Variants in ENPEP observed in about 807,000 individuals in gnomAD.
The protein encoded by ENPEP is glutamyl aminopeptidase.
A neutral mutation model predicts 114.5 loss-of-function variants in ENPEP; 103 were observed. That is an observed-to-expected ratio of 0.90 (90% CI 0.77 to 1.06). The LOEUF (loss-of-function observed/expected upper bound fraction) is 1.06. ENPEP is among the 50% of genes least tolerant of loss of function. The pLI is 0.00. For missense variants in ENPEP, 1,196 were observed against 1,161.3 expected (o/e 1.03, Z -0.43); for synonymous variants, 420 against 422.0 (o/e 1.00, Z 0.06).
intron 11 of ENPEP, among the ~76,000 whole-genome samples, chr4:110,537,934 G>T (rs1403625569): frequency 6.6e-6 from 1 of 152,158 alleles, no homozygotes; most frequent in Non-Finnish European, 1.5e-5. Context: ...CTTTTTTGGT[G>T]AGCAGCAGGT....
intron 3 of ENPEP, among the ~76,000 whole-genome samples, chr4:110,492,861 CA>C (rs1187544431): frequency 1.3e-5 from 2 of 152,202 alleles, no homozygotes; most frequent in African/African-American, 4.8e-5. Flanking sequence ...TCATCATTGA[CA>C]ATTCAATTGC....
rs1368120086 is a variant in ENPEP, at chr4:110,510,269, G to A, written c.1219G>A (p.Asp407Asn). 7.4e-6 allele frequency: 12 copies of A among 1,614,094 alleles called. No homozygotes were observed. Among genetic ancestry groups the A allele is most frequent in the Non-Finnish European group, 1.0e-5 (12 of 1,179,982 alleles). ...HQWFGNIVTM[D>N]WWEDLWLNEG... is the part of the protein sequence containing the mutation. ...GTGGTTTGGAAATATTGTGACCATG[G>A]ACTGGTGGGAAGACTTGTGGCTAAA... is the stretch of plus-strand genomic sequence containing the variant. Residue 407 changes from aspartate (D) to asparagine (N), a missense_variant, in exon 6 of 20, where the codon GAC (aspartate) becomes AAC (asparagine). Transcript: ENST00000265162.
chr4:110,479,330 C>T (rs1309220300), intron 1 of ENPEP, among the ~76,000 whole-genome samples: 2 of 152,020 alleles, frequency 1.3e-5, no homozygotes, highest in African/African-American at 2.4e-5. Flanking sequence ...TTAAGTTGCT[C>T]CTATTTTTTC....
chr4:110,516,757 C>T (rs1055796296), intron 8 of ENPEP, among the ~76,000 whole-genome samples: 2 of 152,092 alleles, frequency 1.3e-5, no homozygotes, highest in Admixed American at 6.5e-5. Context: ...GTCAAGATTT[C>T]GGAAATATTT....
Position 110,563,264 on chromosome 4 carries a change from A to G in ENPEP, c.*1706A>G, listed in dbSNP as rs1727733385. ...AGATGGTTTATCCTTCTGTTTTATG[A>G]AATTAATACATTTTAAAAGAAAAAT... is the stretch of plus-strand genomic sequence containing the variant. On this transcript the variant is annotated 3_prime_UTR_variant, in exon 20 of 20. Coordinates refer to ENST00000265162, the MANE Select transcript of ENPEP (RefSeq NM_001977.4). 6.6e-6 allele frequency: 1 copy of G among 152,146 alleles called. No individual in the cohort carries two copies. Among genetic ancestry groups the G allele is most frequent in the Admixed American group, 6.5e-5 (1 of 15,286 alleles). 9.4% of individuals were successfully genotyped at this position (152,146 alleles called of 1,614,324 possible).
chr4:110,549,879 T>C lies in ENPEP; in HGVS notation c.2494T>C (p.Leu832=). The C allele has an allele frequency of 1.9e-6, 3 of 1,607,896 alleles. No individual in the cohort carries two copies. Among genetic ancestry groups the C allele is most frequent in the African/African-American group, 1.3e-5 (1 of 74,418 alleles). Residue 832 remains leucine (L), a synonymous_variant, in exon 17 of 20, where the codon TTG becomes CTG. Transcript: ENST00000265162. The part of the protein sequence containing the change: ...GLASVKNVTL[L]SRYLDLLKDT... ...AGCATCAGTGAAGAACGTTACTCTT[T>C]TGTCAAGGTAAGTTGGGCTTTTATT... is the stretch of plus-strand genomic sequence containing the variant.
intron 13 of ENPEP, among the ~76,000 whole-genome samples, 171 bp downstream of exon 13, chr4:110,543,241 C>T (rs1385237596): frequency 6.6e-6 from 1 of 152,014 alleles, no homozygotes; most frequent in Non-Finnish European, 1.5e-5. Context: ...TTCACATGAG[C>T]CTAATAGTCA....
At chr4:110,530,144 A>C (rs1726355890) in intron 10 of ENPEP, among the ~76,000 whole-genome samples, 1 of 152,154 alleles carries the variant, frequency 6.6e-6, no homozygotes, top group South Asian at 2.1e-4. Context: ...GTCCACTATA[A>C]GGCCCAAGAA....
intron 11 of ENPEP, among the ~76,000 whole-genome samples, chr4:110,539,052 A>G (rs1726751290): frequency 6.6e-6 from 1 of 152,180 alleles, no homozygotes; most frequent in African/African-American, 2.4e-5. Flanking sequence ...AGATCACCCT[A>G]ACAGATATAA....
intron 6 of ENPEP, among the ~76,000 whole-genome samples, chr4:110,511,761 C>CTT (rs35037890): frequency 1.4e-5 from 2 of 145,632 alleles, no homozygotes; most frequent in Non-Finnish European, 3.0e-5. Context: ...TCATTCATTC[C>CTT]TTTTTTTTTT....
At chr4:110,542,019 G>A (rs530772955) in intron 11 of ENPEP, among the ~76,000 whole-genome samples, 3 of 152,226 alleles carry the variant, frequency 2.0e-5, no homozygotes, top group Non-Finnish European at 2.9e-5. Flanking sequence ...ATATATGGAT[G>A]TTGTTTTAGA....
At chr4:110,548,001 C>T (rs997322677) in intron 13 of ENPEP, among the ~76,000 whole-genome samples, 175 bp from the exon 14 acceptor site, 6 of 151,928 alleles carry the variant, frequency 3.9e-5, no homozygotes, top group Non-Finnish European at 8.8e-5. Flanking sequence ...TCGGACAAAA[C>T]TTTTTGATTG....
intron 10 of ENPEP, among the ~76,000 whole-genome samples, chr4:110,523,824 G>A (rs1277459446): frequency 6.6e-6 from 1 of 152,142 alleles, no homozygotes; most frequent in Non-Finnish European, 1.5e-5. Flanking sequence ...TCCCAACTTA[G>A]TAACATTTTC....
Position 110,491,273 on chromosome 4 carries a change from C to T in ENPEP, c.918+109C>T, listed in dbSNP as rs796636241. 3 of 1,044,042 alleles carry T rather than the reference C, an allele frequency of 2.9e-6. No individual in the cohort carries two copies. The South Asian group carries it at 5.4e-5, about 19-fold the overall frequency. 64.7% of individuals were successfully genotyped at this position (1,044,042 alleles called of 1,614,324 possible). A position where few individuals can be genotyped will look rare whatever the true frequency, so the allele number is the denominator to read the frequency against. On this transcript the variant is annotated intron_variant, in intron 3 of 19. Transcript: ENST00000265162. ...TTTTTCAAACAACATGCCTGAAAAG[C>T]CCTTTAGTCCCCAGGGTCTGTGGAC...
chr4:110,476,710 C>G lies in ENPEP; in HGVS notation c.296C>G (p.Pro99Arg), dbSNP rs751367175. The change falls in exon 1 of 20, where the codon CCA (proline) becomes CGA (arginine). Residue 99 changes from proline (P) to arginine (R), a missense_variant. Physicochemically the swap from Pro to Arg is moderately radical, Grantham distance 103. Transcript: ENST00000265162. ...KNFRLPDFVN[P>R]VHYDLHVKPL... ...TTTCGACTGCCGGACTTCGTCAACC[C>G]AGTCCACTACGACCTGCACGTGAAG... 1 of 1,613,944 alleles carries G rather than the reference C, an allele frequency of 6.2e-7. No individual in the cohort carries two copies. Among genetic ancestry groups the G allele is most frequent in the Non-Finnish European group, 8.5e-7 (1 of 1,180,048 alleles).
chr4:110,541,930 T>C (rs777643824), intron 11 of ENPEP, among the ~76,000 whole-genome samples: 5 of 152,282 alleles, frequency 3.3e-5, no homozygotes, highest in Non-Finnish European at 7.4e-5. Context: ...TTATTTTAAG[T>C]ACATATCTTT....
chr4:110,510,170 A>G, intron 5 of ENPEP, 75 bp from the exon 6 acceptor site: 1 of 1,228,352 alleles, frequency 8.1e-7, no homozygotes, highest in East Asian at 2.3e-5. Flanking sequence ...GGACAAATAA[A>G]TGTTTTGACA....
Position 110,491,130 on chromosome 4 carries a change from A to G in ENPEP, c.884A>G (p.Asp295Gly). 6.2e-7 allele frequency: 1 copy of G among 1,611,102 alleles called. No homozygotes were observed. Among genetic ancestry groups the G allele is most frequent in the Non-Finnish European group, 8.5e-7 (1 of 1,179,670 alleles). ...GTGTGCTTTGCTGTACATCAATTTG[A>G]CTCTGTAAAGAGAATATCAAATAGT... is the stretch of plus-strand genomic sequence containing the variant. ...YLVCFAVHQF[D>G]SVKRISNSGK... Residue 295 changes from aspartate (D) to glycine (G), a missense_variant, in exon 3 of 20, where the codon GAC (aspartate) becomes GGC (glycine). By Grantham distance (94) the Asp-to-Gly change is moderately conservative (BLOSUM62 -1). Coordinates refer to ENST00000265162, the MANE Select transcript of ENPEP (RefSeq NM_001977.4).
intron 3 of ENPEP, chr4:110,500,083 A>C (rs1285081742): frequency 6.6e-6 from 1 of 152,206 alleles, no homozygotes; most frequent in East Asian, 1.9e-4. Context: ...TAAATTGTTC[A>C]AGGAAGATTG....
Sources: gnomAD v4.1 joint callset for allele counts (sites outside exome capture counted in the v4.1 genomes callset) on GRCh38, gnomAD v4.1.1 for gene constraint, MANE v1.5 for transcripts, NCBI Gene and HGNC (gene_info 2026-07-23, HGNC 2026-07-21) for gene names.